The following DMD variants were observed in gnomAD, a reference collection of about 807,000 sequenced individuals.
DMD encodes dystrophin.
DMD carries 63 observed loss-of-function variants against 330.1 expected under a neutral mutation model. The observed-to-expected ratio is 0.19, with a 90% confidence interval of 0.16 to 0.24. The LOEUF is 0.24. DMD is among the 10% of genes least tolerant of loss of function. DMD has a pLI of 1.00. For synonymous variants in DMD, 1,223 were observed against 959.8 expected, an observed-to-expected ratio of 1.27 and a Z score of -5.07; for missense variants, 3,344 against 2,684.1, an observed-to-expected ratio of 1.25 and a Z score of -5.43.
At chrX:32,807,535 A>T (rs767620233) in intron 7 of DMD, among the ~76,000 whole-genome samples, 1 of 111,644 alleles carries the variant, frequency 9.0e-6, no homozygotes, top group East Asian at 2.8e-4. Context: ...TGGTGATCTT[A>T]TAGGATATAC....
chrX:33,017,432 G>A (rs2093824456), intron 2 of DMD, among the ~76,000 whole-genome samples: 1 of 111,070 alleles, frequency 9.0e-6, no homozygotes, highest in Non-Finnish European at 1.9e-5. Flanking sequence ...TTATTAGTGA[G>A]GCATTTTTAT....
chrX:31,929,195 A>C (rs2094821421), intron 47 of DMD, among the ~76,000 whole-genome samples: 1 of 111,997 alleles, frequency 8.9e-6, no homozygotes. Context: ...ATTAATTATT[A>C]AGTCCATACC....
intron 67 of DMD, among the ~76,000 whole-genome samples, chrX:31,186,709 G>A (rs1214028777): frequency 1.8e-5 from 2 of 112,155 alleles, no homozygotes; most frequent in Non-Finnish European, 3.8e-5. Flanking sequence ...CCATCACAGA[G>A]GTACTTTGTG....
Position 32,900,861 on chromosome X carries a change from A to C in DMD, c.94-51041T>G, listed in dbSNP as rs577879840. 3.6e-5 allele frequency among the ~76,000 whole-genome samples: 4 copies of C among 111,858 alleles called. No homozygotes were observed. In the South Asian group the frequency reaches 1.5e-3, roughly 41 times the overall value. ...GTAAAGATATTTTGTTAAAATTATG[A>C]AGTGTTAAAATTGCAAATGACATCT... On this transcript the variant is annotated intron_variant, in intron 2 of 78. Transcript: ENST00000357033.
intron 60 of DMD, among the ~76,000 whole-genome samples, chrX:31,378,895 C>G (rs1465405656): frequency 4.5e-5 from 5 of 111,136 alleles, no homozygotes; most frequent in African/African-American, 1.6e-4. Flanking sequence ...GCCACTTGAC[C>G]CCAGTACAAA....
intron 50 of DMD, among the ~76,000 whole-genome samples, chrX:31,804,210 A>C (rs2092206573): frequency 9.0e-6 from 1 of 111,555 alleles, no homozygotes; most frequent in Non-Finnish European, 1.9e-5. Context: ...CCTGAACCCT[A>C]AAATACTCCA....
At chrX:32,532,537 G>A (rs1039744209) in intron 17 of DMD, among the ~76,000 whole-genome samples, 1 of 112,461 alleles carries the variant, frequency 8.9e-6, no homozygotes, top group Non-Finnish European at 1.9e-5. Flanking sequence ...AAATTTCTAT[G>A]ACACATTGTT....
At chrX:32,336,948 C>A (rs978983089) in intron 41 of DMD, among the ~76,000 whole-genome samples, 23 of 111,139 alleles carry the variant, frequency 2.1e-4, no homozygotes, top group Non-Finnish European at 3.8e-4. Flanking sequence ...TATAGCGGAT[C>A]ACAGGATTTC....
chrX:31,411,053 A>C (rs1043871190), intron 60 of DMD, among the ~76,000 whole-genome samples: 2 of 108,978 alleles, frequency 1.8e-5, no homozygotes, highest in African/African-American at 6.7e-5. Context: ...GGCGTGAGCC[A>C]CTGCACCCAA....
chrX:32,400,683 A>G lies in DMD; in HGVS notation c.4234-10502T>C, dbSNP rs757182169. On this transcript the variant is annotated intron_variant, in intron 30 of 78. Coordinates refer to ENST00000357033, the MANE Select transcript of DMD (RefSeq NM_004006.3). The stretch of plus-strand genomic sequence containing the variant: ...AATCATTCAAAAGTCAGGAAACAAC[A>G]GGTGCTGGAGAGGATGTGGAGAAAT... Among the ~76,000 whole-genome samples the G allele has an allele frequency of 2.5e-3, 276 of 109,607 alleles. 1 individual carries two copies. Among genetic ancestry groups the G allele is most frequent in the African/African-American group, 8.8e-3 (264 of 29,982 alleles).
rs754013753 is a variant in DMD at position 31,349,421 on chromosome X, A to G, written c.9085-787T>C. Among the ~76,000 whole-genome samples, 44 of 112,869 alleles carry G rather than the reference A, an allele frequency of 3.9e-4. No homozygotes were observed. In the South Asian group the frequency reaches 0.016, roughly 40 times the overall value. On this transcript the variant is annotated intron_variant, in intron 60 of 78. Coordinates refer to ENST00000357033, the MANE Select transcript of DMD (RefSeq NM_004006.3). ...GGGTGACAGAGTGAAACTCCACCTCAAAGAAAAAAATATTAAGTATCAAAG... is the reference window on the plus strand; with the variant it reads ...GGGTGACAGAGTGAAACTCCACCTCGAAGAAAAAAATATTAAGTATCAAAG...
At chrX:32,321,150 C>T (rs955362355) in intron 41 of DMD, among the ~76,000 whole-genome samples, 5 of 111,440 alleles carry the variant, frequency 4.5e-5, no homozygotes, top group African/African-American at 1.3e-4. Context: ...TATGTATGTA[C>T]GTGTCTGTGC....
chrX:32,826,183 A>G (rs1236927810), intron 4 of DMD, among the ~76,000 whole-genome samples: 1 of 111,883 alleles, frequency 8.9e-6, no homozygotes. Flanking sequence ...CAAAAAGACA[A>G]AAGGTAAGTT....
At chrX:31,464,808 T>C (rs1474157347) in intron 59 of DMD, among the ~76,000 whole-genome samples, 1 of 112,584 alleles carries the variant, frequency 8.9e-6, no homozygotes, top group Non-Finnish European at 1.9e-5. Flanking sequence ...GACAACTTAA[T>C]TCAGATTGAT....
chrX:31,809,018 AAAG>A (rs1478521231), intron 50 of DMD, among the ~76,000 whole-genome samples: 1 of 109,542 alleles, frequency 9.1e-6, no homozygotes, highest in Non-Finnish European at 1.9e-5. Flanking sequence ...CTTTGAGAAT[AAAG>A]AAGAGTCCTG....
At chrX:33,318,044 C>T (rs979446995) in intron 1 of DMD, among the ~76,000 whole-genome samples, 8 of 111,372 alleles carry the variant, frequency 7.2e-5, no homozygotes, top group African/African-American at 2.6e-4. Flanking sequence ...CTTGGGCTTA[C>T]TGTGCTGATT....
Position 32,742,618 on chromosome X carries a change from A to T in DMD, c.650-43325T>A, listed in dbSNP as rs745586400. Reference sequence around the variant, plus strand: ...GGACAATCACAAGGGTTTAGAGGAGAGTAAATGGGACAAAAGAATCAGGAA... The same window carrying T: ...GGACAATCACAAGGGTTTAGAGGAGTGTAAATGGGACAAAAGAATCAGGAA... On this transcript the variant is annotated intron_variant, in intron 7 of 78. Transcript: ENST00000357033. Among the ~76,000 whole-genome samples, 3 of 111,674 alleles carry T rather than the reference A, an allele frequency of 2.7e-5. No homozygotes were observed. The East Asian group carries it at 8.5e-4, about 32-fold the overall frequency.
chrX:31,200,026 T>G (rs750001009), intron 67 of DMD, among the ~76,000 whole-genome samples: 4 of 112,319 alleles, frequency 3.6e-5, no homozygotes, highest in Non-Finnish European at 7.5e-5. Flanking sequence ...GGCCAGGACG[T>G]GGATTCCTAA....
At chrX:32,454,296 T>C (rs912202202) in intron 26 of DMD, among the ~76,000 whole-genome samples, 1 of 111,349 alleles carries the variant, frequency 9.0e-6, no homozygotes, top group Non-Finnish European at 1.9e-5. Context: ...GTTTGTTGAC[T>C]ACATTATAAA....
Sources: allele counts gnomAD v4.1 joint callset (sites outside exome capture counted in the v4.1 genomes callset), GRCh38; gene constraint gnomAD v4.1.1; transcripts MANE v1.5; gene names NCBI Gene and HGNC (gene_info 2026-07-23, HGNC 2026-07-21).